PCDHGA5: variants seen among roughly 807,000 people sequenced by gnomAD.
PCDHGA5 encodes the protein protocadherin gamma-A5.
PCDHGA5 carries 36 observed loss-of-function variants against 56.7 expected under a neutral mutation model. That is an observed-to-expected ratio of 0.64 (90% CI 0.49 to 0.84). The LOEUF is 0.84. Ranked by LOEUF, PCDHGA5 falls within the 40% of genes least tolerant of loss-of-function variation. PCDHGA5 has a pLI of 0.00. For missense variants in PCDHGA5, 1,305 were observed against 1,201.5 expected (o/e 1.09, Z -1.27); for synonymous variants, 563 against 520.2 (o/e 1.08, Z -1.12).
intron 1 of PCDHGA5, chr5:141,366,959 G>A (rs780082329): frequency 3.9e-4 from 255 of 654,682 alleles, no homozygotes; most frequent in Non-Finnish European, 5.6e-4. Context: ...GTAGACTTAA[G>A]TGAAACAAAT....
At chr5:141,415,695 T>C (rs1284418994) in intron 1 of PCDHGA5, 1 of 1,537,350 alleles carries the variant, frequency 6.5e-7, no homozygotes, top group South Asian at 1.2e-5. Context: ...TGGTGGAAAG[T>C]GTAAATGCTA....
In PCDHGA5 at chr5:141,486,709, C is replaced by G. The variant is rs1485764871; in HGVS notation, c.2422-8098C>G. ...CTTCCTCTTTCATCTCTCTGAACCC[C>G]CAGACAGGAGCTGTTCATGCTACTC... On this transcript the variant is annotated intron_variant, in intron 1 of 3. Coordinates refer to ENST00000518069, the MANE Select transcript of PCDHGA5 (RefSeq NM_018918.3). The surrounding 1 kb of genome is among the most constrained non-coding windows in gnomAD (Gnocchi z 5.0). 1 of 1,614,182 alleles carries G rather than the reference C, an allele frequency of 6.2e-7. No individual in the cohort carries two copies. Among genetic ancestry groups the G allele is most frequent in the Middle Eastern group, 1.6e-4 (1 of 6,062 alleles).
Position 141,490,688 on chromosome 5 carries a change from C to G in PCDHGA5, c.2422-4119C>G. 1 of 1,614,218 alleles carries G rather than the reference C, an allele frequency of 6.2e-7. No individual in the cohort carries two copies. Among genetic ancestry groups the G allele is most frequent in the Non-Finnish European group, 8.5e-7 (1 of 1,180,032 alleles). On this transcript the variant is annotated intron_variant, in intron 1 of 3. Coordinates refer to ENST00000518069, the MANE Select transcript of PCDHGA5 (RefSeq NM_018918.3). The surrounding 1 kb of genome is among the most constrained non-coding windows in gnomAD (Gnocchi z 5.4). ...ACTGTGGCTGCCTCAGATCCAGACA[C>G]TGGGGATAATGCCCGCCTCACCTAC...
Position 141,400,130 on chromosome 5 carries a change from T to C in PCDHGA5, c.2421+33379T>C, listed in dbSNP as rs369250985. On this transcript the variant is annotated intron_variant, in intron 1 of 3. Transcript: ENST00000518069. ...TTTGCTGACAGCTTGCAGGAGGTGC[T>C]GCCGGATATCACTGACCGCCCTGTA... is the stretch of plus-strand genomic sequence containing the variant. The C allele has an allele frequency of 1.9e-6, 3 of 1,613,954 alleles. No individual in the cohort carries two copies. The African/African-American group carries it at 4.0e-5, about 22-fold the overall frequency.
At chr5:141,383,220 C>T in intron 1 of PCDHGA5, 1 of 1,613,982 alleles carries the variant, frequency 6.2e-7, no homozygotes, top group East Asian at 2.2e-5. Context: ...TAAACTTTAA[C>T]ATCCTGATGG....
At chr5:141,374,404 C>T (rs1383124731) in intron 1 of PCDHGA5, 2 of 1,613,916 alleles carry the variant, frequency 1.2e-6, no homozygotes, top group South Asian at 1.1e-5. Context: ...TGAGTTTTAA[C>T]ATCCTTGTCG....
chr5:141,413,533 C>G, intron 1 of PCDHGA5: 1 of 1,613,934 alleles, frequency 6.2e-7, no homozygotes, highest in Non-Finnish European at 8.5e-7. Flanking sequence ...CAGGGTGAAA[C>G]TTTTTGGGAT....
rs61612330 is a variant in PCDHGA5, at chr5:141,454,796, A to ATTTTTTTTTTTTTTT, written c.2422-39996_2422-39982dup. 1.0e-3 allele frequency among the ~76,000 whole-genome samples: 80 copies of ATTTTTTTTTTTTTTT among 77,456 alleles called. 10 individuals are homozygous for ATTTTTTTTTTTTTTT. The highest frequency in any genetic ancestry group is 2.0e-3 in the East Asian group (5 of 2,512). The allele number at this position is 77,456 out of a possible 152,430, so 50.8% of individuals were successfully genotyped here. A position where few individuals can be genotyped will look rare whatever the true frequency, so the allele number is the denominator to read the frequency against. On this transcript the variant is annotated intron_variant, in intron 1 of 3. Transcript: ENST00000518069. ...AAGGAAATAATCCTCCATGGTTCTA[A>ATTTTTTTTTTTTTTT]TTTTTTTTTTTTTTTTTTTTTTTTT...
Position 141,405,415 on chromosome 5 carries a change from GT to G in PCDHGA5, c.2421+38670del, listed in dbSNP as rs757320616. The G allele has an allele frequency of 3.1e-4, 488 of 1,559,566 alleles. 1 individual carries two copies. Among genetic ancestry groups the G allele is most frequent in the Admixed American group, 8.4e-4 (46 of 54,770 alleles). On this transcript the variant is annotated intron_variant, in intron 1 of 3. Transcript: ENST00000518069. Reference sequence around the variant, plus strand: ...TTTTCTTTCTTTCTTTTCTTTTTTTGTTTTTTGTTTTGTTTTGTTTTTGAGA... The same window carrying G: ...TTTTCTTTCTTTCTTTTCTTTTTTTGTTTTTGTTTTGTTTTGTTTTTGAGA...
intron 1 of PCDHGA5, chr5:141,413,304 A>G: frequency 6.2e-7 from 1 of 1,613,982 alleles, no homozygotes; most frequent in Non-Finnish European, 8.5e-7. Context: ...CTGAGGAATT[A>G]GAGAAAGGCT....
chr5:141,447,360 A>G (rs1471046883), intron 1 of PCDHGA5, among the ~76,000 whole-genome samples: 1 of 151,914 alleles, frequency 6.6e-6, no homozygotes, highest in Non-Finnish European at 1.5e-5. Context: ...GCTGGTCTCA[A>G]ACTCCTGACC....
At chr5:141,461,011 A>G (rs971172615) in intron 1 of PCDHGA5, among the ~76,000 whole-genome samples, 2 of 151,288 alleles carry the variant, frequency 1.3e-5, no homozygotes, top group Non-Finnish European at 2.9e-5. Context: ...ATATATATAT[A>G]CCACATTTTC....
intron 1 of PCDHGA5, among the ~76,000 whole-genome samples, chr5:141,387,541 T>C (rs1198504274): frequency 6.6e-6 from 1 of 152,252 alleles, no homozygotes; most frequent in Non-Finnish European, 1.5e-5. Flanking sequence ...CACGTAGTTT[T>C]TGTTCTTTCA....
chr5:141,402,965 A>G, intron 1 of PCDHGA5: 2 of 1,606,016 alleles, frequency 1.2e-6, no homozygotes, highest in Non-Finnish European at 1.7e-6. Flanking sequence ...GGCAGCTCCA[A>G]CCAAATGCCA....
At chr5:141,496,734 G>A (rs527288196) in intron 2 of PCDHGA5, among the ~76,000 whole-genome samples, 4 of 152,066 alleles carry the variant, frequency 2.6e-5, no homozygotes, top group Non-Finnish European at 4.4e-5. Flanking sequence ...GTATTCATTC[G>A]TTCATTTATT....
intron 1 of PCDHGA5, chr5:141,405,413 T>C: frequency 6.4e-7 from 1 of 1,561,606 alleles, no homozygotes; most frequent in South Asian, 1.2e-5. Context: ...TTTTCTTTTT[T>C]TGTTTTTTGT....
Position 141,368,188 on chromosome 5 carries a change from G to A in PCDHGA5, c.2421+1437G>A, listed in dbSNP as rs528865842. Among the ~76,000 whole-genome samples the A allele has an allele frequency of 2.2e-4, 33 of 152,098 alleles. 1 individual carries two copies. In the South Asian group the frequency reaches 5.6e-3, roughly 26 times the overall value. Reference sequence around the variant, plus strand: ...CAGCTTCAAATAATGACTAAATAAGGGGAAAAGGTAATAAAATATTACAAA... The same window carrying A: ...CAGCTTCAAATAATGACTAAATAAGAGGAAAAGGTAATAAAATATTACAAA... On this transcript the variant is annotated intron_variant, in intron 1 of 3. Coordinates refer to ENST00000518069, the MANE Select transcript of PCDHGA5 (RefSeq NM_018918.3).
intron 1 of PCDHGA5, chr5:141,408,823 T>G: frequency 4.3e-6 from 7 of 1,613,568 alleles, no homozygotes; most frequent in Non-Finnish European, 5.9e-6. Flanking sequence ...AACAGAGATC[T>G]CATAGCTTGA....
At chr5:141,454,557 C>T (rs191373514) in intron 1 of PCDHGA5, among the ~76,000 whole-genome samples, 8 of 152,160 alleles carry the variant, frequency 5.3e-5, no homozygotes, top group Admixed American at 5.2e-4. Flanking sequence ...CAGGCATGTG[C>T]CACCACGCCC....
Sources: allele counts gnomAD v4.1 joint callset (sites outside exome capture counted in the v4.1 genomes callset), GRCh38; gene constraint gnomAD v4.1.1; non-coding constraint Gnocchi (gnomAD v3.1); transcripts MANE v1.5; gene names NCBI Gene and HGNC (gene_info 2026-07-23, HGNC 2026-07-21).